Variants in STARD13 observed in about 807,000 individuals in gnomAD.
The protein encoded by STARD13 is stAR-related lipid transfer protein 13.
STARD13 carries 62 observed loss-of-function variants against 106.4 expected under a neutral mutation model. That is an observed-to-expected ratio of 0.58 (90% CI 0.48 to 0.72). STARD13 has a LOEUF of 0.72. Among genes scored for constraint, STARD13 ranks in the 30% least tolerant of loss-of-function variants. STARD13 has a pLI of 0.00. For missense variants in STARD13, 1,387 were observed against 1,424.0 expected, an observed-to-expected ratio of 0.97 and a Z score of 0.42; for synonymous variants, 565 against 553.0, an observed-to-expected ratio of 1.02 and a Z score of -0.31.
the STARD13 span, among the ~76,000 whole-genome samples, chr13:33,615,516 G>A: frequency 6.6e-6 from 1 of 152,172 alleles, no homozygotes; most frequent in African/African-American, 2.4e-5. Context: ...GCTGAGAACT[G>A]GCTCCCAGAA....
chr13:33,609,271 T>A, the STARD13 span, among the ~76,000 whole-genome samples: 1 of 151,936 alleles, frequency 6.6e-6, no homozygotes, highest in African/African-American at 2.4e-5. Context: ...ACAATAGAAA[T>A]GTCGCAAAGT....
chr13:33,645,387 C>T, the STARD13 span, among the ~76,000 whole-genome samples: 1 of 152,178 alleles, frequency 6.6e-6, no homozygotes, highest in South Asian at 2.1e-4. Flanking sequence ...GATGATGTGT[C>T]TATAGGTGGA....
intron 1 of STARD13, among the ~76,000 whole-genome samples, chr13:33,341,653 C>G (rs1484373701): frequency 6.6e-6 from 1 of 151,922 alleles, no homozygotes; most frequent in East Asian, 1.9e-4. Flanking sequence ...GCTTGTGCCT[C>G]TTATTCAGAG....
At chr13:33,532,687 T>G in the STARD13 span, among the ~76,000 whole-genome samples, 1 of 152,208 alleles carries the variant, frequency 6.6e-6, no homozygotes, top group Non-Finnish European at 1.5e-5. Context: ...ATTCCTTTCA[T>G]GAAAACAGGA....
chr13:33,286,088 G>A (rs1274618512), upstream of STARD13, among the ~76,000 whole-genome samples: 5 of 152,060 alleles, frequency 3.3e-5, no homozygotes, highest in Admixed American at 2.6e-4. Flanking sequence ...GTTAGAGAAA[G>A]CTCCTTCGCT....
At chr13:33,310,767 T>C (rs1415927494) in intron 1 of STARD13, among the ~76,000 whole-genome samples, 1 of 152,158 alleles carries the variant, frequency 6.6e-6, no homozygotes, top group East Asian at 1.9e-4. Flanking sequence ...TGGGGACATG[T>C]TCTGAGAAAT....
intron 8 of STARD13, among the ~76,000 whole-genome samples, chr13:33,114,382 C>T (rs187187618): frequency 6.6e-6 from 1 of 152,212 alleles, no homozygotes; most frequent in Admixed American, 6.5e-5. Flanking sequence ...ACACTATGGC[C>T]CTGATTAGCA....
chr13:33,303,839 T>A (rs1892807401), intron 1 of STARD13, among the ~76,000 whole-genome samples: 1 of 152,190 alleles, frequency 6.6e-6, no homozygotes, highest in African/African-American at 2.4e-5. Flanking sequence ...GTCTTCATAC[T>A]AGAACCCTGG....
the STARD13 span, among the ~76,000 whole-genome samples, chr13:33,411,805 AAAC>A: frequency 2.6e-5 from 4 of 152,218 alleles, no homozygotes; most frequent in Non-Finnish European, 2.9e-5. Flanking sequence ...CTTGATGGAA[AAAC>A]AACAATTTTC....
the STARD13 span, among the ~76,000 whole-genome samples, chr13:33,633,065 C>G: frequency 6.6e-6 from 1 of 152,062 alleles, no homozygotes; most frequent in Non-Finnish European, 1.5e-5. Context: ...TTATTTAATT[C>G]CTACTAAGAG....
the STARD13 span, among the ~76,000 whole-genome samples, chr13:33,625,619 C>T: frequency 2.0e-5 from 3 of 151,984 alleles, no homozygotes; most frequent in African/African-American, 7.3e-5. Context: ...GGTGTCTGGC[C>T]TTCCACAGAA....
At chr13:33,447,212 C>T in the STARD13 span, among the ~76,000 whole-genome samples, 8 of 152,148 alleles carry the variant, frequency 5.3e-5, no homozygotes, top group African/African-American at 1.2e-4. Flanking sequence ...TGCAAGAAAC[C>T]GCAAGGACCT....
intron 1 of STARD13, among the ~76,000 whole-genome samples, chr13:33,340,923 A>G (rs1292816459): frequency 1.3e-5 from 2 of 152,214 alleles, no homozygotes; most frequent in Non-Finnish European, 2.9e-5. Flanking sequence ...CTGAATTAAT[A>G]TCCTGCACTA....
At chr13:33,566,285 CTT>C in the STARD13 span, among the ~76,000 whole-genome samples, 1 of 148,192 alleles carries the variant, frequency 6.7e-6, no homozygotes. Flanking sequence ...GTAAATTAAA[CTT>C]TATCATAGGT....
intron 1 of STARD13, among the ~76,000 whole-genome samples, chr13:33,241,708 T>A (rs2138250294): frequency 6.6e-6 from 1 of 151,874 alleles, no homozygotes; most frequent in Non-Finnish European, 1.5e-5. Flanking sequence ...GCCTGACTGG[T>A]TTTCGTATTT....
chr13:33,260,112 A>C (rs1890568711), intron 1 of STARD13, among the ~76,000 whole-genome samples: 1 of 152,132 alleles, frequency 6.6e-6, no homozygotes, highest in Non-Finnish European at 1.5e-5. Flanking sequence ...CTGAGGCAGC[A>C]TGGGGTTAGA....
chr13:33,528,226 G>GTGTATATATATATATA, the STARD13 span, among the ~76,000 whole-genome samples: 1 of 101,022 alleles, frequency 9.9e-6, no homozygotes, highest in Admixed American at 1.0e-4. Context: ...GTGTGTGTGT[G>GTGTATATATATATATA]TATATATATA....
At chr13:33,347,746 A>AC (rs2078032914), downstream of STARD13, among the ~76,000 whole-genome samples, 1 of 152,058 alleles carries the variant, frequency 6.6e-6, no homozygotes, top group Non-Finnish European at 1.5e-5. Flanking sequence ...CACTTGATTC[A>AC]CTCAACCAAT....
chr13:33,433,451 C>A, the STARD13 span, among the ~76,000 whole-genome samples: 3 of 152,146 alleles, frequency 2.0e-5, no homozygotes, highest in Non-Finnish European at 4.4e-5. Flanking sequence ...GTGAATCAGG[C>A]AGTTTTAAAA....
Sources: allele counts gnomAD v4.1 joint callset (sites outside exome capture counted in the v4.1 genomes callset), GRCh38; gene constraint gnomAD v4.1.1; transcripts MANE v1.5; gene names NCBI Gene and HGNC (gene_info 2026-07-23, HGNC 2026-07-21).